Variants in SLC9A1 observed in about 807,000 individuals in gnomAD.
SLC9A1 encodes sodium/hydrogen exchanger 1.
SLC9A1 carries 22 observed loss-of-function variants against 67.9 expected under a neutral mutation model. The ratio of observed to expected loss-of-function variants is 0.32; its 90% CI spans 0.23 to 0.46. SLC9A1 has a LOEUF of 0.46. Among genes scored for constraint, SLC9A1 ranks in the 20% least tolerant of loss-of-function variants. The pLI is 1.00. For synonymous variants in SLC9A1, 421 were observed against 471.8 expected, an observed-to-expected ratio of 0.89 and a Z score of 1.40; for missense variants, 686 against 1,094.8, an observed-to-expected ratio of 0.63 and a Z score of 5.27.
At chr1:27,132,635 T>C (rs555186247) in intron 1 of SLC9A1, among the ~76,000 whole-genome samples, 7 of 152,328 alleles carry the variant, frequency 4.6e-5, no homozygotes, top group Admixed American at 2.6e-4. Context: ...AAGCAAGTAC[T>C]GAAACATGAG....
In SLC9A1 at chr1:27,127,371, G is replaced by A. The variant is rs150544568; in HGVS notation, c.353-13085C>T. Among the ~76,000 whole-genome samples, 379 of 152,322 alleles carry A rather than the reference G, an allele frequency of 2.5e-3. 3 individuals are homozygous for A. The highest frequency in any genetic ancestry group is 4.4e-3 in the Non-Finnish European group (299 of 68,030). On this transcript the variant is annotated intron_variant, in intron 1 of 11. Coordinates refer to ENST00000263980, the MANE Select transcript of SLC9A1 (RefSeq NM_003047.5). ...GAAATCATTACTTAGATGCTGTAAA[G>A]CAGACTTTTCTCTCGCCCTCACAAC...
chr1:27,105,268 T>C (rs2083175458), intron 5 of SLC9A1, among the ~76,000 whole-genome samples: 1 of 152,160 alleles, frequency 6.6e-6, no homozygotes, highest in African/African-American at 2.4e-5. Context: ...CAAAGAGAGA[T>C]CTTGGGCCTG....
At chr1:27,148,694 C>T (rs2083505299) in intron 1 of SLC9A1, among the ~76,000 whole-genome samples, 1 of 152,162 alleles carries the variant, frequency 6.6e-6, no homozygotes, top group South Asian at 2.1e-4. Context: ...CACACAAGTG[C>T]TTTGGAAACA....
chr1:27,103,138 TG>T, intron 6 of SLC9A1, 84 bp downstream of exon 6: 1 of 1,009,496 alleles, frequency 9.9e-7, no homozygotes, highest in Non-Finnish European at 1.6e-6. Flanking sequence ...AAGGGGCTGA[TG>T]GGGGGCAGAG....
At chr1:27,147,821 C>G (rs2083499581) in intron 1 of SLC9A1, among the ~76,000 whole-genome samples, 1 of 151,904 alleles carries the variant, frequency 6.6e-6, no homozygotes, top group South Asian at 2.1e-4. Context: ...ACGGCAAAAC[C>G]CCATCCCTAC....
intron 1 of SLC9A1, among the ~76,000 whole-genome samples, chr1:27,121,968 C>CA (rs2083307141): frequency 6.6e-6 from 1 of 152,032 alleles, no homozygotes; most frequent in Admixed American, 6.6e-5. Flanking sequence ...ACTAAAAATA[C>CA]AAAAAATTAG....
intron 1 of SLC9A1, among the ~76,000 whole-genome samples, chr1:27,131,834 C>A (rs1349422481): frequency 8.8e-5 from 13 of 148,316 alleles, no homozygotes; most frequent in African/African-American, 3.0e-4. Context: ...GGCAGGAGAA[C>A]TGCTTGAACC....
intron 1 of SLC9A1, among the ~76,000 whole-genome samples, chr1:27,141,051 T>C (rs1409871775): frequency 6.6e-6 from 1 of 151,806 alleles, no homozygotes; most frequent in East Asian, 1.9e-4. Context: ...CTACTAAAAA[T>C]ACAAAAATTA....
chr1:27,137,283 C>T lies in SLC9A1; in HGVS notation c.352+16700G>A, dbSNP rs1178164217. 1.3e-5 allele frequency among the ~76,000 whole-genome samples: 2 copies of T among 152,250 alleles called. No homozygotes were observed. The highest frequency in any genetic ancestry group is 4.8e-5 in the African/African-American group (2 of 41,466). ...GGGAACGATGTGGGAAGAAGGACCA[C>T]TTATAGCATCACAGGAGAGCCTGGA... On this transcript the variant is annotated intron_variant, in intron 1 of 11. Coordinates refer to ENST00000263980, the MANE Select transcript of SLC9A1 (RefSeq NM_003047.5). The surrounding 1 kb of genome is among the most constrained non-coding windows in gnomAD (Gnocchi z 4.6).
Position 27,101,900 on chromosome 1 carries a change from G to T in SLC9A1, c.1936-74C>A. 1 of 1,445,788 alleles carries T rather than the reference G, an allele frequency of 6.9e-7. No individual in the cohort carries two copies. The allele number at this position is 1,445,788 out of a possible 1,614,324, so 89.6% of individuals were successfully genotyped here. ...TCATGGAGGGGTGGGGGCAGTGCTG[G>T]AGGCCGGGCCAGTCCTGGGGTGGGT... On this transcript the variant is annotated intron_variant, in intron 9 of 11. Transcript: ENST00000263980. The surrounding 1 kb of genome is among the most constrained non-coding windows in gnomAD (Gnocchi z 4.9).
chr1:27,133,880 G>A (rs1557429359), intron 1 of SLC9A1, among the ~76,000 whole-genome samples: 1 of 151,014 alleles, frequency 6.6e-6, no homozygotes, highest in Admixed American at 6.6e-5. Context: ...TTCTCCTGCC[G>A]CAGCCTCCCG....
In SLC9A1 at chr1:27,137,680, G is replaced by A. The variant is rs2083428121; in HGVS notation, c.352+16303C>T. On this transcript the variant is annotated intron_variant, in intron 1 of 11. Transcript: ENST00000263980. The surrounding 1 kb of genome is among the most constrained non-coding windows in gnomAD (Gnocchi z 4.6). ...CAACTCCCCAGGCCACGACCATAGGGTTCAGCAGGGAACACGCATGTCCAA... is the reference window on the plus strand; with the variant it reads ...CAACTCCCCAGGCCACGACCATAGGATTCAGCAGGGAACACGCATGTCCAA... Among the ~76,000 whole-genome samples, 1 of 152,134 alleles carries A rather than the reference G, an allele frequency of 6.6e-6. No homozygotes were observed. Among genetic ancestry groups the A allele is most frequent in the Admixed American group, 6.5e-5 (1 of 15,280 alleles).
At position 27,102,160 on chromosome 1, in the gene SLC9A1, CA is replaced by C. The variant is rs760561906; in HGVS notation, c.1821-31del. On this transcript the variant is annotated intron_variant, in intron 8 of 11. Transcript: ENST00000263980. ...GGCAATAGGGCATCGGTTAGGTCCC[CA>C]AGATTCTTGGGATCCTGGTGCCTCC... The C allele has an allele frequency of 1.7e-5, 26 of 1,568,746 alleles. No homozygotes were observed. The East Asian group carries it at 5.8e-4, about 35-fold the overall frequency.
chr1:27,144,340 G>A (rs534999024), intron 1 of SLC9A1, among the ~76,000 whole-genome samples: 9 of 152,144 alleles, frequency 5.9e-5, no homozygotes, highest in Non-Finnish European at 1.2e-4. Context: ...CAAATTGAGG[G>A]CAGACCAAAC....
intron 1 of SLC9A1, among the ~76,000 whole-genome samples, chr1:27,115,220 G>C (rs576540596): frequency 3.3e-5 from 5 of 152,176 alleles, no homozygotes; most frequent in Admixed American, 3.3e-4. Context: ...ACACCCCTCT[G>C]CCTGGGACCC....
intron 5 of SLC9A1, 155 bp from the exon 6 acceptor site, chr1:27,103,467 C>T: frequency 3.1e-6 from 2 of 650,296 alleles, no homozygotes; most frequent in Non-Finnish European, 5.6e-6. Context: ...TCCCACCTCC[C>T]AGCACTTATC....
intron 2 of SLC9A1, among the ~76,000 whole-genome samples, chr1:27,110,617 C>T (rs954987607): frequency 1.4e-4 from 21 of 152,218 alleles, no homozygotes; most frequent in Admixed American, 1.1e-3. Flanking sequence ...AACAACCATG[C>T]GAGGCAGGTG....
At chr1:27,110,807 T>C (rs2083222655) in intron 2 of SLC9A1, among the ~76,000 whole-genome samples, 1 of 152,190 alleles carries the variant, frequency 6.6e-6, no homozygotes, top group South Asian at 2.1e-4. Flanking sequence ...GTCCCTGAGC[T>C]GCCTGGCCTA....
intron 1 of SLC9A1, among the ~76,000 whole-genome samples, chr1:27,131,949 T>TAAAAAAAAA (rs200128151): frequency 7.1e-4 from 18 of 25,306 alleles, no homozygotes; most frequent in African/African-American, 1.6e-3. Context: ...AAAAAAAAAA[T>TAAAAAAAAA]ATATATATAT....
Sources: gnomAD v4.1 joint callset for allele counts (sites outside exome capture counted in the v4.1 genomes callset) on GRCh38, gnomAD v4.1.1 for gene constraint, Gnocchi (gnomAD v3.1) non-coding constraint, MANE v1.5 for transcripts, NCBI Gene and HGNC (gene_info 2026-07-23, HGNC 2026-07-21) for gene names.